Variants in THAP12 observed in about 807,000 individuals in gnomAD.
The protein encoded by THAP12 is 52 kDa repressor of the inhibitor of the protein kinase.
Under a neutral mutation model 63.0 loss-of-function variants are expected in THAP12, and 20 were observed. That is an observed-to-expected ratio of 0.32 (90% CI 0.22 to 0.46). The LOEUF is 0.46. THAP12 is among the 20% of genes least tolerant of loss of function. THAP12 has a pLI of 1.00. For synonymous variants in THAP12, 264 were observed against 328.4 expected, an observed-to-expected ratio of 0.80 and a Z score of 2.12; for missense variants, 568 against 908.2, an observed-to-expected ratio of 0.63 and a Z score of 4.81.
In THAP12 at chr11:76,350,550, C is replaced by T. The variant is rs1590797386; in HGVS notation, c.*314G>A. 1 of 191,604 alleles carries T rather than the reference C, an allele frequency of 5.2e-6. No individual in the cohort carries two copies. Among genetic ancestry groups the T allele is most frequent in the East Asian group, 1.3e-4 (1 of 7,878 alleles). 11.9% of individuals were successfully genotyped at this position (191,604 alleles called of 1,614,324 possible). ...TATTTCTTCAAAGAATTCATAACAC[C>T]CAACAAGTAGAGATCCACAGTGATA... is the stretch of plus-strand genomic sequence containing the variant. On this transcript the variant is annotated 3_prime_UTR_variant, in exon 5 of 5. Transcript: ENST00000260045.
intron 1 of THAP12, among the ~76,000 whole-genome samples, chr11:76,368,351 T>C (rs1257277474): frequency 1.1e-4 from 16 of 152,206 alleles, no homozygotes; most frequent in Admixed American, 1.0e-3. Context: ...GCACACTAAA[T>C]TCCAAAGATG....
At chr11:76,354,182 G>T (rs1397164411) in intron 4 of THAP12, among the ~76,000 whole-genome samples, 1 of 152,228 alleles carries the variant, frequency 6.6e-6, no homozygotes, top group Non-Finnish European at 1.5e-5. Context: ...AGTACAAAGG[G>T]AAATCTAGTC....
chr11:76,351,703 T>C lies in THAP12; in HGVS notation c.1447A>G (p.Ile483Val). The C allele has an allele frequency of 6.2e-7, 1 of 1,602,992 alleles. No homozygotes were observed. The highest frequency in any genetic ancestry group is 8.5e-7 in the Non-Finnish European group (1 of 1,175,566). ...AVSDFDFIVT[I>V]VVLKNVLSFT... is the part of the protein sequence containing the mutation. ...GATAGGACATTTTTAAGAACAACAATAGTAACAATGAAATCAAAATCTGAC... is the reference window on the plus strand; with the variant it reads ...GATAGGACATTTTTAAGAACAACAACAGTAACAATGAAATCAAAATCTGAC... The change falls in exon 5 of 5, where the codon ATT becomes GTT. Residue 483 changes from isoleucine to valine, a missense_variant. Physicochemically the swap from Ile to Val is conservative, Grantham distance 29 (BLOSUM62 3). Transcript: ENST00000260045.
In THAP12 at chr11:76,351,120, A is replaced by G; in HGVS notation, c.2030T>C (p.Val677Ala). The change falls in exon 5 of 5, where the codon GTG becomes GCG. Residue 677 changes from valine (V) to alanine (A), a missense_variant. Transcript: ENST00000260045. The stretch of plus-strand genomic sequence containing the variant: ...ACACAGGACCTTCAGCAATGCATAC[A>G]CATTAGGAAAAAACTTGATGTCAGG... Reference protein sequence around the residue: ...HLPDIKFFPNVYALLKVLCIL... With the variant: ...HLPDIKFFPNAYALLKVLCIL... 6.2e-7 allele frequency: 1 copy of G among 1,609,952 alleles called. No individual in the cohort carries two copies. Among genetic ancestry groups the G allele is most frequent in the Non-Finnish European group, 8.5e-7 (1 of 1,179,050 alleles).
intron 4 of THAP12, among the ~76,000 whole-genome samples, chr11:76,353,272 A>C (rs1267738551): frequency 2.0e-5 from 3 of 152,238 alleles, no homozygotes; most frequent in Non-Finnish European, 4.4e-5. Flanking sequence ...GGACAGAACT[A>C]ATTACTAAGG....
intron 3 of THAP12, among the ~76,000 whole-genome samples, chr11:76,360,664 G>C (rs1946592195): frequency 6.6e-6 from 1 of 152,086 alleles, no homozygotes; most frequent in Non-Finnish European, 1.5e-5. Context: ...GAAAGAAAAG[G>C]TAGCTTTTTC....
At chr11:76,371,018 A>G (rs73002555) in intron 1 of THAP12, among the ~76,000 whole-genome samples, 5,345 of 151,926 alleles carry the variant, frequency 0.035, 121 homozygotes, top group Non-Finnish European at 0.053. Context: ...TGTACTCCAG[A>G]TTTTGTAGAC....
At position 76,351,668 on chromosome 11, in the gene THAP12, T is replaced by C; in HGVS notation, c.1482A>G (p.Arg494=). The C allele has an allele frequency of 6.3e-7, 1 of 1,582,338 alleles. No individual in the cohort carries two copies. The highest frequency in any genetic ancestry group is 8.6e-7 in the Non-Finnish European group (1 of 1,165,194). ...GCCCCTGGAGGTTTTTCCCAAAGGC[T>C]CTTGTAAAAGATAGGACATTTTTAA... ...VVLKNVLSFT[R]AFGKNLQGQT... The change falls in exon 5 of 5, where the codon AGA becomes AGG. Residue 494 remains arginine (R), a synonymous_variant. Transcript: ENST00000260045.
intron 4 of THAP12, 32 bp downstream of exon 4, chr11:76,355,586 T>G: frequency 5.7e-6 from 9 of 1,574,062 alleles, no homozygotes; most frequent in Non-Finnish European, 7.8e-6. Context: ...TAAAAGGCAT[T>G]CAGAAGTTGA....
At chr11:76,364,346 G>T (rs369055042) in intron 2 of THAP12, 1 of 392,844 alleles carries the variant, frequency 2.5e-6, no homozygotes, top group Non-Finnish European at 5.0e-6. Context: ...ACCTCCCAAT[G>T]ACTTCACAAG....
intron 1 of THAP12, among the ~76,000 whole-genome samples, chr11:76,371,228 G>A (rs1247375616): frequency 6.6e-6 from 1 of 152,152 alleles, no homozygotes; most frequent in African/African-American, 2.4e-5. Flanking sequence ...CCATGCTTAA[G>A]CTTTTAGTGG....
Position 76,351,424 on chromosome 11 carries a change from C to T in THAP12, c.1726G>A (p.Glu576Lys). ...TCCACTGTTGGGACACTTAGGGTTTCTTTATAGTAACTCTCAGAGGTTAGC... is the reference window on the plus strand; with the variant it reads ...TCCACTGTTGGGACACTTAGGGTTTTTTTATAGTAACTCTCAGAGGTTAGC... Reference protein sequence around the residue: ...SQLTSESYYKETLSVPTVEHI... With the variant: ...SQLTSESYYKKTLSVPTVEHI... The change falls in exon 5 of 5, where the codon GAA (glutamate) becomes AAA (lysine). Residue 576 changes from glutamate (E) to lysine (K), a missense_variant. Coordinates refer to ENST00000260045, the MANE Select transcript of THAP12 (RefSeq NM_004705.4). 1 of 1,603,846 alleles carries T rather than the reference C, an allele frequency of 6.2e-7. No individual in the cohort carries two copies. Among genetic ancestry groups the T allele is most frequent in the Non-Finnish European group, 8.5e-7 (1 of 1,172,660 alleles).
In THAP12 at chr11:76,351,765, T is replaced by G; in HGVS notation, c.1385A>C (p.Tyr462Ser). The G allele has an allele frequency of 6.2e-7, 1 of 1,613,470 alleles. No individual in the cohort carries two copies. The highest frequency in any genetic ancestry group is 1.3e-5 in the African/African-American group (1 of 75,046). ...GAGTACAAATGCTCGGCCAGCTATA[T>G]AGTTATTCCATCTAATATTTGTGTC... The part of the protein sequence containing the change: ...NSDTNIRWNN[Y>S]IAGRAFVLCS... Residue 462 changes from tyrosine (Y) to serine (S), a missense_variant, in exon 5 of 5, where the codon TAT becomes TCT. Tyr to Ser is a moderately radical substitution (Grantham distance 144). Coordinates refer to ENST00000260045, the MANE Select transcript of THAP12 (RefSeq NM_004705.4).
intron 1 of THAP12, among the ~76,000 whole-genome samples, chr11:76,373,718 C>CA (rs61579449): frequency 0.97 from 138,723 of 142,748 alleles, 67,466 homozygotes; most frequent in East Asian, 1. Flanking sequence ...TAAGACCCCT[C>CA]AAAAAAAAAA....
chr11:76,380,336 G>A (rs1439463714), intron 1 of THAP12, among the ~76,000 whole-genome samples: 1 of 152,154 alleles, frequency 6.6e-6, no homozygotes, highest in Admixed American at 6.5e-5. Context: ...TGGTGGCAAG[G>A]AGAGGGAAAG....
At chr11:76,353,680 A>T (rs2134498696) in intron 4 of THAP12, among the ~76,000 whole-genome samples, 2 of 152,340 alleles carry the variant, frequency 1.3e-5, no homozygotes, top group South Asian at 4.1e-4. Flanking sequence ...AATAATCCAA[A>T]TCTGAGGAGG....
At chr11:76,380,367 A>G (rs1193112084) in intron 1 of THAP12, among the ~76,000 whole-genome samples, 1 of 152,182 alleles carries the variant, frequency 6.6e-6, no homozygotes, top group Non-Finnish European at 1.5e-5. Flanking sequence ...CCACAACCAT[A>G]GAGTCCTGCT....
chr11:76,351,269 C>A lies in THAP12; in HGVS notation c.1881G>T (p.Met627Ile). ...CAGGATTGGGTAAGTCACTTCTATA[C>A]ATGTCAGCATGGTGTTCCTCCGACG... ...FNTSEEHHAD[M>I]YRSDLPNPDT... The change falls in exon 5 of 5, where the codon ATG becomes ATT. Residue 627 changes from methionine to isoleucine, a missense_variant. By Grantham distance (10) the Met-to-Ile change is conservative. Coordinates refer to ENST00000260045, the MANE Select transcript of THAP12 (RefSeq NM_004705.4). 6 of 1,567,424 alleles carry A rather than the reference C, an allele frequency of 3.8e-6. No individual in the cohort carries two copies. Among genetic ancestry groups the A allele is most frequent in the Non-Finnish European group, 5.2e-6 (6 of 1,154,230 alleles).
chr11:76,375,547 C>A (rs1946703351), intron 1 of THAP12, among the ~76,000 whole-genome samples: 1 of 152,090 alleles, frequency 6.6e-6, no homozygotes, highest in Admixed American at 6.5e-5. Context: ...TAATTACACT[C>A]TTGAAGTTTA....
Sources: gnomAD v4.1 joint callset for allele counts (sites outside exome capture counted in the v4.1 genomes callset) on GRCh38, gnomAD v4.1.1 for gene constraint, MANE v1.5 for transcripts, NCBI Gene and HGNC (gene_info 2026-07-23, HGNC 2026-07-21) for gene names.